The following DTNB variants were observed in gnomAD, a reference collection of about 807,000 sequenced individuals.
DTNB encodes DTN-B.
Under a neutral mutation model 90.7 loss-of-function variants are expected in DTNB, and 63 were observed. The observed-to-expected ratio is 0.69, with a 90% CI of 0.57 to 0.86. The LOEUF (loss-of-function observed/expected upper bound fraction) is 0.86. Among genes scored for constraint, DTNB ranks in the 40% least tolerant of loss-of-function variants. The pLI is 0.00. For missense variants in DTNB, 744 were observed against 807.1 expected, an observed-to-expected ratio of 0.92 and a Z score of 0.95; for synonymous variants, 277 against 286.7, an observed-to-expected ratio of 0.97 and a Z score of 0.34.
intron 10 of DTNB, among the ~76,000 whole-genome samples, chr2:25,465,263 C>G (rs530879184): frequency 2.0e-5 from 3 of 151,794 alleles, no homozygotes; most frequent in Non-Finnish European, 4.4e-5. Flanking sequence ...GTAGTCCCAG[C>G]TACTCAGGAG....
At chr2:25,555,301 A>C (rs1403982848) in intron 8 of DTNB, among the ~76,000 whole-genome samples, 6 of 151,676 alleles carry the variant, frequency 4.0e-5, no homozygotes, top group Admixed American at 6.6e-5. Context: ...CAAAAAAAAA[A>C]AAAAAAAACA....
At chr2:25,535,744 G>T (rs1241012168) in intron 8 of DTNB, among the ~76,000 whole-genome samples, 1 of 134,694 alleles carries the variant, frequency 7.4e-6, no homozygotes, top group Non-Finnish European at 1.6e-5. Context: ...GGGCAGAGGC[G>T]CTCCTCACTT....
chr2:25,399,350 C>CATTTTTTTTTTTTTTTT (rs1553325367), intron 16 of DTNB: 2 of 119,964 alleles, frequency 1.7e-5, no homozygotes, highest in African/African-American at 7.4e-5. Flanking sequence ...CGCCCCTGAC[C>CATTTTTTTTTTTTTTTT]TTTTTTTTTT....
intron 18 of DTNB, among the ~76,000 whole-genome samples, chr2:25,384,571 C>T (rs1006720652): frequency 2.6e-5 from 4 of 152,016 alleles, no homozygotes; most frequent in South Asian, 2.1e-4. Context: ...AACCATGTCA[C>T]GTTTGGAAAG....
intron 12 of DTNB, among the ~76,000 whole-genome samples, chr2:25,441,122 C>T (rs1006752): frequency 0.13 from 19,212 of 152,202 alleles, 2,030 homozygotes; most frequent in East Asian, 0.6. Context: ...AATGAAACCA[C>T]CTGTGTAACA....
intron 11 of DTNB, among the ~76,000 whole-genome samples, chr2:25,452,543 C>G (rs2059435849): frequency 6.6e-6 from 1 of 152,112 alleles, no homozygotes; most frequent in Non-Finnish European, 1.5e-5. Context: ...CACTTTGGCC[C>G]TATGTTCTTG....
intron 1 of DTNB, among the ~76,000 whole-genome samples, chr2:25,655,309 T>C (rs1187772456): frequency 6.6e-6 from 1 of 152,226 alleles, no homozygotes; most frequent in Non-Finnish European, 1.5e-5. Flanking sequence ...CTGGGATGCA[T>C]GCCTCCAAAG....
At chr2:25,629,924 G>A (rs188157621) in intron 3 of DTNB, among the ~76,000 whole-genome samples, 1 of 152,066 alleles carries the variant, frequency 6.6e-6, no homozygotes. Flanking sequence ...GTGTTTCAAA[G>A]GATACTATCA....
intron 13 of DTNB, 62 bp from the exon 14 acceptor site, chr2:25,433,061 C>T: frequency 6.8e-7 from 1 of 1,468,198 alleles, no homozygotes; most frequent in Non-Finnish European, 9.1e-7. Flanking sequence ...CTCCCTCTTT[C>T]CCTATTACAA....
intron 3 of DTNB, among the ~76,000 whole-genome samples, chr2:25,631,790 T>C (rs555401882): frequency 3.3e-5 from 5 of 152,176 alleles, no homozygotes; most frequent in African/African-American, 7.2e-5. Flanking sequence ...ATACAGACAA[T>C]TAAACTTCAC....
rs532670312 is a variant in DTNB at position 25,429,960 on chromosome 2, C to A, written c.1458-2329G>T. On this transcript the variant is annotated intron_variant, in intron 14 of 20. Coordinates refer to ENST00000406818, the MANE Select transcript of DTNB (RefSeq NM_021907.5). ...GGGGAATCATGCTGAACCCCAAGTGCACTTCCAATCTGAAATGTTTTGTCC... is the reference window on the plus strand; with the variant it reads ...GGGGAATCATGCTGAACCCCAAGTGAACTTCCAATCTGAAATGTTTTGTCC... 5.0e-4 allele frequency among the ~76,000 whole-genome samples: 76 copies of A among 152,210 alleles called. No individual in the cohort carries two copies. The South Asian group carries it at 6.7e-3, about 13-fold the overall frequency.
rs1395696244 is a variant in DTNB at position 25,607,215 on chromosome 2, A to T, written c.448+21T>A. ...TCCTAATTTGAAAATGGCATTTTTC[A>T]AATAATATGAAAATACTTACATCTC... On this transcript the variant is annotated intron_variant, in intron 5 of 20. Transcript: ENST00000406818. 10 of 1,567,492 alleles carry T rather than the reference A, an allele frequency of 6.4e-6. No individual in the cohort carries two copies. In the African/African-American group the frequency reaches 1.4e-4, roughly 21 times the overall value.
intron 4 of DTNB, among the ~76,000 whole-genome samples, chr2:25,616,437 G>A (rs1429763298): frequency 6.6e-6 from 1 of 152,006 alleles, no homozygotes; most frequent in African/African-American, 2.4e-5. Flanking sequence ...CAACCCTGTT[G>A]TAAATATTAG....
intron 10 of DTNB, among the ~76,000 whole-genome samples, chr2:25,460,679 A>C (rs1224532328): frequency 6.6e-6 from 1 of 152,148 alleles, no homozygotes. Context: ...CTGAAAACTG[A>C]CCACTGGATT....
At chr2:25,394,100 C>G (rs1212454823) in intron 16 of DTNB, among the ~76,000 whole-genome samples, 2 of 152,162 alleles carry the variant, frequency 1.3e-5, no homozygotes, top group Admixed American at 1.3e-4. Flanking sequence ...CAAATACTTA[C>G]ACCCAACTGA....
chr2:25,523,610 C>A, intron 9 of DTNB, among the ~76,000 whole-genome samples: 1 of 143,172 alleles, frequency 7.0e-6, no homozygotes, highest in African/African-American at 2.7e-5. Context: ...CAGTGCACTC[C>A]AGCCTGGGCG....
chr2:25,627,914 T>A lies in DTNB; in HGVS notation c.362+257A>T, dbSNP rs548043532. On this transcript the variant is annotated intron_variant, in intron 4 of 20. Transcript: ENST00000406818. ...ACCACGCCCGGCTAATTTTTTGTAT[T>A]TTTAGTAGAGACGGGGTTTCACCGT... Among the ~76,000 whole-genome samples, 38 of 152,170 alleles carry A rather than the reference T, an allele frequency of 2.5e-4. No individual in the cohort carries two copies. In the South Asian group the frequency reaches 7.7e-3, roughly 31 times the overall value.
intron 16 of DTNB, among the ~76,000 whole-genome samples, chr2:25,405,752 G>A (rs1184784502): frequency 1.3e-5 from 2 of 152,064 alleles, no homozygotes; most frequent in African/African-American, 2.4e-5. Flanking sequence ...TTAAGAAAAT[G>A]CCTGCTGACT....
rs1425384660 is a variant in DTNB at position 25,427,025 on chromosome 2, A to G, written c.1554+510T>C. Reference sequence around the variant, plus strand: ...ACCCCATCTCTACCAAAAATACAAAAAAATTAGCTGGGCGTGGTGGTGGGC... The same window carrying G: ...ACCCCATCTCTACCAAAAATACAAAGAAATTAGCTGGGCGTGGTGGTGGGC... On this transcript the variant is annotated intron_variant, in intron 15 of 20. Coordinates refer to ENST00000406818, the MANE Select transcript of DTNB (RefSeq NM_021907.5). Among the ~76,000 whole-genome samples, 5 of 152,224 alleles carry G rather than the reference A, an allele frequency of 3.3e-5. 1 individual carries two copies. The East Asian group carries it at 9.7e-4, about 29-fold the overall frequency.
Sources: allele counts gnomAD v4.1 joint callset (sites outside exome capture counted in the v4.1 genomes callset), GRCh38; gene constraint gnomAD v4.1.1; transcripts MANE v1.5; gene names NCBI Gene and HGNC (gene_info 2026-07-23, HGNC 2026-07-21).